LHFPL6: variants seen among roughly 807,000 people sequenced by gnomAD.
LHFPL6 encodes the protein LHFPL tetraspan subfamily member 6 protein.
Under a neutral mutation model 20.6 loss-of-function variants are expected in LHFPL6, and 9 were observed. That is an observed-to-expected ratio of 0.44 (90% CI 0.26 to 0.76). The LOEUF (loss-of-function observed/expected upper bound fraction) is 0.76. Among genes scored for constraint, LHFPL6 ranks in the 30% least tolerant of loss-of-function variants. The probability of loss-of-function intolerance (pLI) is 0.20; values close to 1 mark genes in which losing one functional copy is unlikely to be tolerated. For missense variants in LHFPL6, 218 were observed against 253.5 expected (o/e 0.86, Z 0.95); for synonymous variants, 105 against 98.7 (o/e 1.06, Z -0.38).
intron 2 of LHFPL6, among the ~76,000 whole-genome samples, chr13:39,381,744 T>A (rs933434121): frequency 4.0e-5 from 6 of 151,048 alleles, no homozygotes; most frequent in Non-Finnish European, 5.9e-5. Context: ...TTAAAAAAAA[T>A]TCACAAATCA....
intron 3 of LHFPL6, among the ~76,000 whole-genome samples, chr13:39,349,934 T>C (rs1225040175): frequency 6.6e-6 from 1 of 152,210 alleles, no homozygotes; most frequent in Admixed American, 6.5e-5. Context: ...GGGATGGGTT[T>C]GGGTATGACC....
chr13:39,582,264 C>T (rs1485423526), intron 2 of LHFPL6, among the ~76,000 whole-genome samples: 2 of 152,236 alleles, frequency 1.3e-5, no homozygotes, highest in Non-Finnish European at 2.9e-5. Flanking sequence ...CTGCATTTCT[C>T]ATCCCATCTT....
chr13:39,362,104 G>A (rs1161746327), intron 3 of LHFPL6, among the ~76,000 whole-genome samples: 1 of 152,202 alleles, frequency 6.6e-6, no homozygotes, highest in Non-Finnish European at 1.5e-5. Flanking sequence ...ATGTGACATG[G>A]TTTGGATTTT....
intron 3 of LHFPL6, among the ~76,000 whole-genome samples, chr13:39,356,745 A>G (rs1869737034): frequency 6.6e-6 from 1 of 152,262 alleles, no homozygotes; most frequent in African/African-American, 2.4e-5. Context: ...ATCTCCATGC[A>G]CACAAAGTCA....
intron 2 of LHFPL6, among the ~76,000 whole-genome samples, chr13:39,494,504 C>A (rs1869033300): frequency 1.3e-5 from 2 of 152,154 alleles, no homozygotes. Flanking sequence ...CTCCTGGCCA[C>A]CCCGCTCACT....
At position 39,418,351 on chromosome 13, in the gene LHFPL6, A is replaced by AT. The variant is rs577814235; in HGVS notation, c.386-39826dup. On this transcript the variant is annotated intron_variant, in intron 2 of 3. Transcript: ENST00000379589. Reference sequence around the variant, plus strand: ...AGTATGCTCTGATTCCTAAAATAAGATTTTTTTTTAAAGGGTAAAGTTTTT... The same window carrying AT: ...AGTATGCTCTGATTCCTAAAATAAGATTTTTTTTTTAAAGGGTAAAGTTTTT... 9.9e-3 allele frequency among the ~76,000 whole-genome samples: 1,368 copies of AT among 138,720 alleles called. 14 individuals are homozygous for AT. Among genetic ancestry groups the AT allele is most frequent in the African/African-American group, 0.028 (1,019 of 36,848 alleles). The allele number at this position is 138,720 out of a possible 152,430, so 91.0% of individuals were successfully genotyped here. A position where few individuals can be genotyped will look rare whatever the true frequency, so the allele number is the denominator to read the frequency against.
chr13:39,483,348 C>T (rs771107025), intron 2 of LHFPL6, among the ~76,000 whole-genome samples: 1 of 152,128 alleles, frequency 6.6e-6, no homozygotes, highest in Non-Finnish European at 1.5e-5. Context: ...AGAAACTGTA[C>T]TAATATTGTA....
intron 2 of LHFPL6, among the ~76,000 whole-genome samples, chr13:39,459,668 C>T (rs964151068): frequency 3.9e-5 from 6 of 152,134 alleles, no homozygotes; most frequent in African/African-American, 1.2e-4. Flanking sequence ...TATTTATCTC[C>T]CCATTCCCTA....
intron 2 of LHFPL6, among the ~76,000 whole-genome samples, chr13:39,551,290 G>A (rs1376420146): frequency 6.6e-6 from 1 of 152,068 alleles, no homozygotes; most frequent in Non-Finnish European, 1.5e-5. Context: ...TGGCAGAAGT[G>A]AGTGAGACAG....
intron 2 of LHFPL6, among the ~76,000 whole-genome samples, chr13:39,529,248 T>C (rs1045080411): frequency 6.6e-6 from 1 of 152,086 alleles, no homozygotes; most frequent in Non-Finnish European, 1.5e-5. Context: ...CCCGCCACCA[T>C]GCCTGGCTAA....
At chr13:39,503,387 GC>G (rs1869362566) in intron 2 of LHFPL6, among the ~76,000 whole-genome samples, 1 of 151,980 alleles carries the variant, frequency 6.6e-6, no homozygotes, top group African/African-American at 2.4e-5. Context: ...GCTCAATAAG[GC>G]CTACCTGACC....
chr13:39,351,173 G>A (rs960863931), intron 3 of LHFPL6, among the ~76,000 whole-genome samples: 5 of 152,150 alleles, frequency 3.3e-5, no homozygotes, highest in Admixed American at 1.3e-4. Context: ...GATATCAGAC[G>A]TTATACTTGT....
At chr13:39,384,403 AT>A (rs941697400) in intron 2 of LHFPL6, among the ~76,000 whole-genome samples, 7 of 152,190 alleles carry the variant, frequency 4.6e-5, no homozygotes, top group African/African-American at 1.7e-4. Flanking sequence ...GTCAACTAGT[AT>A]TTTGTTGTCT....
chr13:39,368,609 A>G (rs2138351301), intron 3 of LHFPL6, among the ~76,000 whole-genome samples: 1 of 151,884 alleles, frequency 6.6e-6, no homozygotes, highest in Non-Finnish European at 1.5e-5. Flanking sequence ...ATCAAAAAAG[A>G]CACAAAATCC....
intron 2 of LHFPL6, among the ~76,000 whole-genome samples, chr13:39,548,517 C>T (rs1871047403): frequency 6.6e-6 from 1 of 152,014 alleles, no homozygotes; most frequent in Admixed American, 6.5e-5. Context: ...CTTCAAACAA[C>T]TCAGAGTTAC....
At chr13:39,492,500 A>C (rs1037315705) in intron 2 of LHFPL6, among the ~76,000 whole-genome samples, 1 of 152,210 alleles carries the variant, frequency 6.6e-6, no homozygotes, top group African/African-American at 2.4e-5. Flanking sequence ...GAATGTATTC[A>C]AATAAAAGAG....
At chr13:39,593,869 G>C (rs531658993) in intron 2 of LHFPL6, among the ~76,000 whole-genome samples, 1 of 152,198 alleles carries the variant, frequency 6.6e-6, no homozygotes, top group Admixed American at 6.5e-5. Flanking sequence ...ATGGGGAAAG[G>C]ATTCGCTATT....
intron 2 of LHFPL6, among the ~76,000 whole-genome samples, chr13:39,434,827 C>T (rs910150687): frequency 1.4e-4 from 21 of 152,038 alleles, no homozygotes; most frequent in African/African-American, 4.1e-4. Flanking sequence ...GAGGCCGAGG[C>T]GGGTGGATCA....
chr13:39,430,973 T>C (rs772283676), intron 2 of LHFPL6, among the ~76,000 whole-genome samples: 7 of 152,200 alleles, frequency 4.6e-5, no homozygotes, highest in Non-Finnish European at 1.0e-4. Context: ...GCTCACTCTT[T>C]GGGTCTGCAC....
Sources: allele counts gnomAD v4.1 joint callset (sites outside exome capture counted in the v4.1 genomes callset), GRCh38; gene constraint gnomAD v4.1.1; transcripts MANE v1.5; gene names NCBI Gene and HGNC (gene_info 2026-07-23, HGNC 2026-07-21).